LRMDA: variants seen among roughly 807,000 people sequenced by gnomAD.
LRMDA encodes leucine-rich melanocyte differentiation-associated protein.
Under a neutral mutation model 29.8 loss-of-function variants are expected in LRMDA, and 18 were observed. The ratio of observed to expected loss-of-function variants is 0.60; its 90% CI spans 0.42 to 0.90. The LOEUF (loss-of-function observed/expected upper bound fraction) is 0.90, where lower values mean the gene tolerates loss of function less well. Ranked by LOEUF, LRMDA falls within the 40% of genes least tolerant of loss-of-function variation. LRMDA has a pLI of 0.00. For missense variants in LRMDA, 273 were observed against 273.9 expected (o/e 1.00, Z 0.02); for synonymous variants, 125 against 109.4 (o/e 1.14, Z -0.89).
chr10:76,053,094 C>T (rs1020046256), intron 4 of LRMDA, among the ~76,000 whole-genome samples: 1 of 152,180 alleles, frequency 6.6e-6, no homozygotes, highest in African/African-American at 2.4e-5. Flanking sequence ...TCTCTTCCTT[C>T]AACCATTGCT....
intron 2 of LRMDA, among the ~76,000 whole-genome samples, chr10:75,778,858 C>T (rs927574888): frequency 1.3e-5 from 2 of 152,138 alleles, no homozygotes; most frequent in Non-Finnish European, 2.9e-5. Context: ...CATGGTTTCA[C>T]AAGAACTTAG....
intron 5 of LRMDA, among the ~76,000 whole-genome samples, chr10:76,099,987 CAGTGTCT>C (rs1465760945): frequency 3.0e-4 from 45 of 152,270 alleles, no homozygotes; most frequent in African/African-American, 9.4e-4. Context: ...TCTTCTATAT[CAGTGTCT>C]ACTTTATTGA....
rs533272932 is a variant in LRMDA at position 76,266,692 on chromosome 10, A to G, written c.517-57709A>G. ...TAGGCTATCCTGCATCTTTATTTAT[A>G]ACTCAGTATATTAGACCTTGAGTTA... is the stretch of plus-strand genomic sequence containing the variant. On this transcript the variant is annotated intron_variant, in intron 5 of 6. Transcript: ENST00000611255. 3.3e-5 allele frequency among the ~76,000 whole-genome samples: 5 copies of G among 152,326 alleles called. No homozygotes were observed. In the South Asian group the frequency reaches 1.0e-3, roughly 32 times the overall value.
chr10:76,444,466 G>A (rs948708608), intron 6 of LRMDA, among the ~76,000 whole-genome samples: 2 of 152,168 alleles, frequency 1.3e-5, no homozygotes, highest in East Asian at 1.9e-4. Flanking sequence ...AAGAGAATTC[G>A]ATACTGGGTT....
intron 1 of LRMDA, among the ~76,000 whole-genome samples, chr10:75,436,056 T>A (rs1444786265): frequency 2.7e-4 from 34 of 127,008 alleles, no homozygotes; most frequent in Middle Eastern, 4.1e-3. Flanking sequence ...CCCATCTCTT[T>A]AAAAAAAAAA....
intron 5 of LRMDA, among the ~76,000 whole-genome samples, chr10:76,322,290 G>A (rs1479675074): frequency 6.6e-6 from 1 of 152,126 alleles, no homozygotes; most frequent in Non-Finnish European, 1.5e-5. Context: ...GATCACAAGG[G>A]CTTCATTTTG....
At chr10:75,728,426 C>G (rs970312341) in intron 2 of LRMDA, among the ~76,000 whole-genome samples, 18 of 138,192 alleles carry the variant, frequency 1.3e-4, no homozygotes, top group African/African-American at 4.3e-4. Context: ...ATACGTGGCT[C>G]TGTGTGTGTG....
At chr10:75,922,080 G>T (rs575009453) in intron 2 of LRMDA, among the ~76,000 whole-genome samples, 2 of 152,230 alleles carry the variant, frequency 1.3e-5, no homozygotes, top group South Asian at 4.2e-4. Flanking sequence ...TTTCTTCTGG[G>T]TTGATATCTG....
chr10:76,492,489 T>C (rs973724946), intron 6 of LRMDA, among the ~76,000 whole-genome samples: 1 of 152,100 alleles, frequency 6.6e-6, no homozygotes, highest in Non-Finnish European at 1.5e-5. Flanking sequence ...GGAAGAATTT[T>C]CTGGTTTACT....
At chr10:76,351,553 G>C (rs1323329651) in intron 6 of LRMDA, among the ~76,000 whole-genome samples, 1 of 151,822 alleles carries the variant, frequency 6.6e-6, no homozygotes, top group Admixed American at 6.6e-5. Context: ...TCACCCCTTT[G>C]GTTTCCCATT....
intron 2 of LRMDA, among the ~76,000 whole-genome samples, chr10:75,583,432 A>C (rs1312345191): frequency 6.6e-6 from 1 of 152,186 alleles, no homozygotes; most frequent in Admixed American, 6.5e-5. Context: ...TGGGAGCAGA[A>C]GGAAGAGAGA....
At chr10:75,595,187 G>T (rs989427572) in intron 2 of LRMDA, among the ~76,000 whole-genome samples, 1 of 152,020 alleles carries the variant, frequency 6.6e-6, no homozygotes, top group Admixed American at 6.6e-5. Flanking sequence ...TTTACTAATG[G>T]CCCATAATCA....
chr10:75,462,193 A>G (rs927016616), intron 2 of LRMDA, among the ~76,000 whole-genome samples: 4 of 152,258 alleles, frequency 2.6e-5, no homozygotes, highest in African/African-American at 9.6e-5. Flanking sequence ...TGATATTCAT[A>G]TCTAAAGCAC....
intron 6 of LRMDA, among the ~76,000 whole-genome samples, chr10:76,518,721 A>G (rs1843089211): frequency 1.3e-5 from 2 of 152,224 alleles, no homozygotes; most frequent in Non-Finnish European, 2.9e-5. Flanking sequence ...AGAGAAAAAT[A>G]TATAAAAATC....
intron 6 of LRMDA, among the ~76,000 whole-genome samples, chr10:76,421,750 T>A (rs902672207): frequency 5.3e-5 from 8 of 152,244 alleles, no homozygotes; most frequent in Non-Finnish European, 1.2e-4. Context: ...AGTCCGTGGC[T>A]AATAACTCCA....
intron 5 of LRMDA, among the ~76,000 whole-genome samples, chr10:76,145,357 T>A (rs569383392): frequency 6.6e-6 from 1 of 152,332 alleles, no homozygotes; most frequent in African/African-American, 2.4e-5. Flanking sequence ...GATTATTGCC[T>A]CAATTTCAGA....
At chr10:75,934,611 G>A (rs910157514) in intron 2 of LRMDA, among the ~76,000 whole-genome samples, 3 of 152,190 alleles carry the variant, frequency 2.0e-5, no homozygotes, top group South Asian at 2.1e-4. Context: ...CATAAAGGGT[G>A]TGCTCCTGGC....
At chr10:75,772,101 A>G (rs971870439) in intron 2 of LRMDA, among the ~76,000 whole-genome samples, 2 of 152,264 alleles carry the variant, frequency 1.3e-5, no homozygotes, top group Non-Finnish European at 2.9e-5. Context: ...AGCTGCAGCT[A>G]TGCTCTAATT....
At chr10:76,070,496 G>A (rs1034672115) in intron 5 of LRMDA, among the ~76,000 whole-genome samples, 5 of 152,108 alleles carry the variant, frequency 3.3e-5, no homozygotes, top group South Asian at 2.1e-4. Flanking sequence ...AGATCTCTCC[G>A]TCTTCTGATG....
Sources: allele counts gnomAD v4.1 joint callset (sites outside exome capture counted in the v4.1 genomes callset), GRCh38; gene constraint gnomAD v4.1.1; transcripts MANE v1.5; gene names NCBI Gene and HGNC (gene_info 2026-07-23, HGNC 2026-07-21).